DHX37: variants seen among roughly 807,000 people sequenced by gnomAD.
DHX37 encodes the protein probable ATP-dependent RNA helicase DHX37.
DHX37 carries 52 observed loss-of-function variants against 134.3 expected under a neutral mutation model. That is an observed-to-expected ratio of 0.39 (90% CI 0.31 to 0.49). The LOEUF is 0.49. DHX37 is among the 20% of genes least tolerant of loss of function. DHX37 has a pLI of 0.93. For missense variants in DHX37, 1,344 were observed against 1,580.8 expected, an observed-to-expected ratio of 0.85 and a Z score of 2.54; for synonymous variants, 634 against 670.7, an observed-to-expected ratio of 0.95 and a Z score of 0.85.
chr12:124,974,114 C>T (rs7310678), intron 6 of DHX37, among the ~76,000 whole-genome samples: 99,920 of 151,186 alleles, frequency 0.66, 33,462 homozygotes, highest in East Asian at 0.77. Context: ...CCACTGCGCA[C>T]GGCTAATTTT....
At chr12:124,987,784 A>G (rs2135977172) in intron 1 of DHX37, among the ~76,000 whole-genome samples, 1 of 152,286 alleles carries the variant, frequency 6.6e-6, no homozygotes, top group African/African-American at 2.4e-5. Flanking sequence ...CTGGTTGAGC[A>G]TCCCTAATCT....
intron 2 of DHX37, among the ~76,000 whole-genome samples, chr12:124,983,562 A>T (rs1044472441): frequency 6.6e-6 from 1 of 151,512 alleles, no homozygotes; most frequent in African/African-American, 2.4e-5. Flanking sequence ...AGGCGGGTGG[A>T]TCACCTGAGG....
At chr12:124,957,174 C>G (rs371617536) in intron 16 of DHX37, 39 bp from the exon 17 acceptor site, 7 of 1,463,016 alleles carry the variant, frequency 4.8e-6, no homozygotes, top group Non-Finnish European at 6.3e-6. Context: ...AGGGTGAATG[C>G]CAAGAACAAG....
At chr12:124,966,081 G>A (rs1010846842) in intron 12 of DHX37, among the ~76,000 whole-genome samples, 4 of 152,220 alleles carry the variant, frequency 2.6e-5, no homozygotes, top group African/African-American at 9.7e-5. Flanking sequence ...CATCGGTAGT[G>A]CAACAGGCAA....
intron 3 of DHX37, among the ~76,000 whole-genome samples, chr12:124,981,269 C>T (rs1402618228): frequency 6.6e-6 from 1 of 151,970 alleles, no homozygotes; most frequent in African/African-American, 2.4e-5. Context: ...ACTCGATAAA[C>T]AGTCACTAAC....
At chr12:124,972,718 A>G (rs1469132706) in intron 6 of DHX37, 119 bp from the exon 7 acceptor site, 4 of 870,052 alleles carry the variant, frequency 4.6e-6, no homozygotes, top group Non-Finnish European at 7.6e-6. Context: ...CCCGCTGGCA[A>G]CCTGAAACAA....
At chr12:124,963,026 G>A (rs1256706765) in intron 15 of DHX37, among the ~76,000 whole-genome samples, 2 of 152,184 alleles carry the variant, frequency 1.3e-5, no homozygotes, top group Non-Finnish European at 2.9e-5. Context: ...AATGAAACCG[G>A]AGCCAGACAA....
intron 1 of DHX37, among the ~76,000 whole-genome samples, chr12:124,988,594 T>G (rs754492041): frequency 7.2e-5 from 11 of 151,918 alleles, no homozygotes; most frequent in Non-Finnish European, 1.5e-4. Context: ...GGGCTGAAAA[T>G]ACACATTTGG....
Position 124,954,140 on chromosome 12 carries a change from G to A in DHX37, c.2525C>T (p.Thr842Ile). Residue 842 changes from threonine to isoleucine, a missense_variant, in exon 19 of 27, where the codon ACC becomes ATC. Thr to Ile is a moderately conservative substitution (Grantham distance 89). Around this residue, in one of 7 missense-constraint regions of DHX37, gnomAD observed 558 missense variants for 650.0 expected, o/e 0.86. Transcript: ENST00000308736. ...KRARVAQMKRTWAGQGASLKL... is the reference protein window; with the variant it reads ...KRARVAQMKRIWAGQGASLKL... ...CAGAGAAGCCCCCTGCCCTGCCCAG[G>A]TCCTCTTCATCTGGGCCACCCGGGC... The A allele has an allele frequency of 1.2e-6, 2 of 1,612,764 alleles. No individual in the cohort carries two copies. Among genetic ancestry groups the A allele is most frequent in the South Asian group, 1.1e-5 (1 of 90,892 alleles).
At chr12:124,957,804 G>A (rs1310791985) in intron 16 of DHX37, among the ~76,000 whole-genome samples, 2 of 151,302 alleles carry the variant, frequency 1.3e-5, no homozygotes, top group Non-Finnish European at 2.9e-5. Flanking sequence ...TAATAATAAC[G>A]TGAATAAATT....
chr12:124,965,331 C>T (rs868232312), intron 13 of DHX37, among the ~76,000 whole-genome samples: 5 of 152,326 alleles, frequency 3.3e-5, no homozygotes, highest in South Asian at 2.1e-4. Flanking sequence ...AGGCTGAGCC[C>T]GTACTGGGGT....
At position 124,951,506 on chromosome 12, in the gene DHX37, T is replaced by C. The variant is rs144924914; in HGVS notation, c.2869-702A>G. ...GCTTACATATGTGGGGTTTCTTTGT[T>C]GGGTAATAAAAATGTTCTAAAGTTA... is the stretch of plus-strand genomic sequence containing the variant. On this transcript the variant is annotated intron_variant, in intron 21 of 26. Coordinates refer to ENST00000308736, the MANE Select transcript of DHX37 (RefSeq NM_032656.4). 3.3e-3 allele frequency among the ~76,000 whole-genome samples: 502 copies of C among 152,238 alleles called. 5 individuals carry two copies. Among genetic ancestry groups the C allele is most frequent in the African/African-American group, 0.012 (483 of 41,544 alleles).
At chr12:124,966,718 C>T (rs551728499) in intron 12 of DHX37, 75 bp downstream of exon 12, 9 of 1,449,488 alleles carry the variant, frequency 6.2e-6, no homozygotes, top group East Asian at 2.3e-5. Flanking sequence ...CCTAAGCAGC[C>T]ACATGGGGCT....
chr12:124,967,518 G>T (rs141518653), intron 10 of DHX37, among the ~76,000 whole-genome samples: 1 of 152,174 alleles, frequency 6.6e-6, no homozygotes, highest in African/African-American at 2.4e-5. Flanking sequence ...CAGTGACAGC[G>T]CCGCGGCTGC....
In DHX37 at chr12:124,980,662, T is replaced by G. The variant is rs1954739206; in HGVS notation, c.566A>C (p.Glu189Ala). ...LDEDPAAEPA[E>A]AGVGTTVAPL... ...TGCCACGGTGGTCCCCACACCAGCC[T>G]CAGCCGGCTCAGCAGCTGGGTCCTC... The change falls in exon 4 of 27, where the codon GAG becomes GCG. Residue 189 changes from glutamate to alanine, a missense_variant. By Grantham distance (107) the Glu-to-Ala change is moderately radical. Coordinates refer to ENST00000308736, the MANE Select transcript of DHX37 (RefSeq NM_032656.4). The surrounding 1 kb of genome is among the most constrained non-coding windows in gnomAD (Gnocchi z 5.3). 6.3e-7 allele frequency: 1 copy of G among 1,599,612 alleles called. No individual in the cohort carries two copies. The highest frequency in any genetic ancestry group is 1.3e-5 in the African/African-American group (1 of 74,514).
At position 124,988,908 on chromosome 12, in the gene DHX37, ATG is replaced by A. The variant is rs10594861; in HGVS notation, c.106+7_106+8del. 22,015 of 1,313,114 alleles carry A rather than the reference ATG, an allele frequency of 0.017. 1,398 individuals carry two copies. Among genetic ancestry groups the A allele is most frequent in the East Asian group, 0.17 (5,941 of 35,600 alleles). The allele number at this position is 1,313,114 out of a possible 1,614,324, so 81.3% of individuals were successfully genotyped here. ...TCCGAAATCCAGCCCCGGTCCGGGG[ATG>A]TCTTACCCTCCAGTTCCAGCTGCAC... On this transcript the variant is annotated splice_region_variant and intron_variant, in intron 1 of 26. Coordinates refer to ENST00000308736, the MANE Select transcript of DHX37 (RefSeq NM_032656.4).
intron 12 of DHX37, 83 bp from the exon 13 acceptor site, chr12:124,965,895 C>G: frequency 1.3e-6 from 2 of 1,527,556 alleles, no homozygotes; most frequent in Non-Finnish European, 1.8e-6. Context: ...CAGGTGCCCT[C>G]GCATGGAAGC....
At chr12:124,976,761 C>T (rs1954651009) in intron 5 of DHX37, among the ~76,000 whole-genome samples, 3 of 150,644 alleles carry the variant, frequency 2.0e-5, no homozygotes, top group Non-Finnish European at 3.0e-5. Context: ...ACCCGGGAGG[C>T]GCAGCTTGCA....
chr12:124,949,923 G>C lies in DHX37; in HGVS notation c.3290+63C>G. The C allele has an allele frequency of 6.6e-7, 1 of 1,510,538 alleles. No individual in the cohort carries two copies. Among genetic ancestry groups the C allele is most frequent in the Non-Finnish European group, 9.0e-7 (1 of 1,109,682 alleles). The allele number at this position is 1,510,538 out of a possible 1,614,324, so 93.6% of individuals were successfully genotyped here. A position where few individuals can be genotyped will look rare whatever the true frequency, so the allele number is the denominator to read the frequency against. ...TGTGGTGCTTTGTCCTGGCAGCCCC[G>C]GGGAGGTCATTCAGGCCTCGGACCC... is the stretch of plus-strand genomic sequence containing the variant. On this transcript the variant is annotated intron_variant, in intron 25 of 26. Coordinates refer to ENST00000308736, the MANE Select transcript of DHX37 (RefSeq NM_032656.4). The surrounding 1 kb of genome is among the most constrained non-coding windows in gnomAD (Gnocchi z 4.0).
Sources: gnomAD v4.1 joint callset for allele counts (sites outside exome capture counted in the v4.1 genomes callset) on GRCh38, gnomAD v4.1.1 for gene constraint, gnomAD v4.1.1 regional missense constraint, Gnocchi (gnomAD v3.1) non-coding constraint, MANE v1.5 for transcripts, NCBI Gene and HGNC (gene_info 2026-07-23, HGNC 2026-07-21) for gene names.